SLC12A8: variants seen among roughly 807,000 people sequenced by gnomAD.
The protein encoded by SLC12A8 is cation-chloride cotransporter 9.
Under a neutral mutation model 75.6 loss-of-function variants are expected in SLC12A8, and 69 were observed. The ratio of observed to expected loss-of-function variants is 0.91; its 90% CI spans 0.75 to 1.11. The LOEUF (loss-of-function observed/expected upper bound fraction) is 1.11. SLC12A8 is among the 50% of genes most tolerant of loss of function. SLC12A8 has a pLI of 0.00. For missense variants in SLC12A8, 877 were observed against 896.7 expected (o/e 0.98, Z 0.28); for synonymous variants, 365 against 372.8 (o/e 0.98, Z 0.24).
intron 8 of SLC12A8, among the ~76,000 whole-genome samples, chr3:125,113,548 C>T (rs1053384139): frequency 4.6e-5 from 7 of 152,312 alleles, no homozygotes; most frequent in South Asian, 2.1e-4. Context: ...CTTATAGACA[C>T]GTAGCTCTGC....
chr3:125,084,387 CT>C (rs927808612), intron 13 of SLC12A8, among the ~76,000 whole-genome samples: 11 of 150,346 alleles, frequency 7.3e-5, no homozygotes, highest in South Asian at 6.3e-4. Context: ...TTTTCTTTGC[CT>C]TTTTTTTTGT....
intron 2 of SLC12A8, among the ~76,000 whole-genome samples, chr3:125,210,537 T>C (rs1935315955): frequency 6.6e-6 from 1 of 152,198 alleles, no homozygotes; most frequent in African/African-American, 2.4e-5. Context: ...CCTTTGGGAA[T>C]TCCTGGGCCT....
chr3:125,212,054 G>A (rs1935346989), intron 1 of SLC12A8, among the ~76,000 whole-genome samples: 1 of 152,098 alleles, frequency 6.6e-6, no homozygotes, highest in African/African-American at 2.4e-5. Flanking sequence ...CCAGCACAGT[G>A]CTGCAAGGTA....
intron 5 of SLC12A8, among the ~76,000 whole-genome samples, chr3:125,140,907 G>GA (rs1415569653): frequency 6.6e-6 from 1 of 152,028 alleles, no homozygotes; most frequent in African/African-American, 2.4e-5. Context: ...TCCAACACTT[G>GA]TTTTTTGACC....
chr3:125,168,380 C>A (rs147942926), intron 5 of SLC12A8, among the ~76,000 whole-genome samples: 140 of 152,212 alleles, frequency 9.2e-4, no homozygotes, highest in African/African-American at 3.2e-3. Context: ...GCTTTGTCTG[C>A]CTTTAATTCA....
chr3:125,092,715 C>A (rs931582602), intron 10 of SLC12A8, among the ~76,000 whole-genome samples: 1 of 152,120 alleles, frequency 6.6e-6, no homozygotes, highest in African/African-American at 2.4e-5. Context: ...TGATTCCTTC[C>A]TCTGGCAATT....
chr3:125,201,190 G>A (rs559629156), intron 2 of SLC12A8, among the ~76,000 whole-genome samples: 2 of 152,100 alleles, frequency 1.3e-5, no homozygotes, highest in African/African-American at 4.8e-5. Flanking sequence ...CTTGAGGCCA[G>A]GCAAGGAGTT....
At chr3:125,191,086 C>T (rs1934901095) in intron 2 of SLC12A8, among the ~76,000 whole-genome samples, 1 of 152,198 alleles carries the variant, frequency 6.6e-6, no homozygotes, top group Non-Finnish European at 1.5e-5. Context: ...TCTAACACCT[C>T]TGCAATCAGC....
intron 4 of SLC12A8, among the ~76,000 whole-genome samples, chr3:125,185,488 T>C (rs536090129): frequency 2.3e-4 from 35 of 151,964 alleles, no homozygotes; most frequent in South Asian, 6.2e-4. Flanking sequence ...AAAAACTTTC[T>C]ATCAAAAAAA....
chr3:125,185,029 A>G (rs1421222285), intron 4 of SLC12A8, among the ~76,000 whole-genome samples: 1 of 148,786 alleles, frequency 6.7e-6, no homozygotes, highest in East Asian at 1.9e-4. Context: ...CGTGAAGTGG[A>G]CAAATTCATG....
intron 12 of SLC12A8, among the ~76,000 whole-genome samples, chr3:125,089,444 G>C (rs1938534254): frequency 6.6e-6 from 1 of 152,006 alleles, no homozygotes; most frequent in Admixed American, 6.6e-5. Flanking sequence ...AGATTTCTAG[G>C]AAATAATTGA....
chr3:125,152,896 C>T (rs1057467171), intron 5 of SLC12A8, among the ~76,000 whole-genome samples: 6 of 152,084 alleles, frequency 3.9e-5, no homozygotes, highest in Admixed American at 3.9e-4. Context: ...CCGCTGTATC[C>T]CAAAGCCTAC....
chr3:125,139,244 AAGAG>A (rs1045643661), intron 5 of SLC12A8, among the ~76,000 whole-genome samples: 1 of 152,186 alleles, frequency 6.6e-6, no homozygotes, highest in Non-Finnish European at 1.5e-5. Flanking sequence ...AACTGAGCAA[AAGAG>A]AGAGAGGGTG....
intron 10 of SLC12A8, among the ~76,000 whole-genome samples, chr3:125,098,009 T>C (rs1168808345): frequency 1.3e-5 from 2 of 152,168 alleles, no homozygotes; most frequent in Non-Finnish European, 2.9e-5. Context: ...TCTAGTGATA[T>C]GTCTAAGTTC....
intron 5 of SLC12A8, among the ~76,000 whole-genome samples, chr3:125,148,941 G>T (rs902114534): frequency 4.0e-5 from 6 of 151,660 alleles, no homozygotes; most frequent in African/African-American, 1.5e-4. Context: ...CACCTGCCAC[G>T]TGCAGTGAGA....
At chr3:125,187,536 G>T in intron 3 of SLC12A8, 108 bp from the exon 4 acceptor site, 1 of 991,068 alleles carries the variant, frequency 1.0e-6, no homozygotes. Flanking sequence ...TGGAATAGGG[G>T]CCAGGGGTGG....
intron 7 of SLC12A8, among the ~76,000 whole-genome samples, chr3:125,120,128 A>C (rs1933014735): frequency 6.6e-6 from 1 of 152,164 alleles, no homozygotes; most frequent in Non-Finnish European, 1.5e-5. Flanking sequence ...CCCATTTCAC[A>C]AGAAAGGAAA....
At chr3:125,210,008 C>T (rs1360326190) in intron 2 of SLC12A8, among the ~76,000 whole-genome samples, 1 of 152,132 alleles carries the variant, frequency 6.6e-6, no homozygotes, top group Non-Finnish European at 1.5e-5. Context: ...CACCAAAGGC[C>T]TTAAAATTGG....
chr3:125,177,558 G>A (rs1934560985), intron 5 of SLC12A8, among the ~76,000 whole-genome samples, 185 bp downstream of exon 5: 1 of 151,940 alleles, frequency 6.6e-6, no homozygotes, highest in Non-Finnish European at 1.5e-5. Context: ...GTGTGAAGAG[G>A]AGCTTCTAGC....
Sources: gnomAD v4.1 joint callset for allele counts (sites outside exome capture counted in the v4.1 genomes callset) on GRCh38, gnomAD v4.1.1 for gene constraint, MANE v1.5 for transcripts, NCBI Gene and HGNC (gene_info 2026-07-23, HGNC 2026-07-21) for gene names.